CENPA: variants seen among roughly 807,000 people sequenced by gnomAD.
CENPA encodes the protein centromere protein A.
Under a neutral mutation model 17.2 loss-of-function variants are expected in CENPA, and 7 were observed. The observed-to-expected ratio is 0.41, with a 90% CI of 0.23 to 0.76. The LOEUF (loss-of-function observed/expected upper bound fraction) is 0.76. Ranked by LOEUF, CENPA falls within the 30% of genes least tolerant of loss-of-function variation. CENPA has a pLI of 0.34. For missense variants in CENPA, 149 were observed against 193.1 expected (o/e 0.77, Z 1.35); for synonymous variants, 82 against 77.4 (o/e 1.06, Z -0.31).
At chr2:26,789,361 G>A (rs1345003487) in intron 1 of CENPA, among the ~76,000 whole-genome samples, 1 of 151,948 alleles carries the variant, frequency 6.6e-6, no homozygotes, top group Non-Finnish European at 1.5e-5. Context: ...TGGCAGTTCT[G>A]CTTGGTGTTC....
intron 1 of CENPA, among the ~76,000 whole-genome samples, chr2:26,790,545 C>T (rs1005345444): frequency 3.3e-5 from 5 of 152,182 alleles, no homozygotes; most frequent in East Asian, 3.8e-4. Context: ...AGGCTGGTCT[C>T]GAACTCCTGA....
At chr2:26,791,929 A>G (rs1194647004) in intron 1 of CENPA, among the ~76,000 whole-genome samples, 1 of 152,236 alleles carries the variant, frequency 6.6e-6, no homozygotes, top group Non-Finnish European at 1.5e-5. Context: ...CAAAATTACT[A>G]TATATCAGGT....
In CENPA at chr2:26,794,240, G is replaced by C. The variant is rs930482665; in HGVS notation, c.*476G>C. 9 of 152,370 alleles carry C rather than the reference G, an allele frequency of 5.9e-5. No individual in the cohort carries two copies. Among genetic ancestry groups the C allele is most frequent in the Admixed American group, 5.9e-4 (9 of 15,304 alleles). The allele number at this position is 152,370 out of a possible 1,614,324, so 9.4% of individuals were successfully genotyped here. The stretch of plus-strand genomic sequence containing the variant: ...ACCACTTTGAGCAGTTGCCTGGAAG[G>C]CTGGGCATTTCCATCATATAGACCT... On this transcript the variant is annotated 3_prime_UTR_variant, in exon 5 of 5. Transcript: ENST00000335756.
intron 4 of CENPA, 33 bp downstream of exon 4, chr2:26,793,359 G>A: frequency 6.5e-7 from 1 of 1,545,342 alleles, no homozygotes; most frequent in Non-Finnish European, 8.7e-7. Flanking sequence ...GACTGGGGCT[G>A]GAATTTCTCA....
At chr2:26,791,629 A>T (rs1331035216) in intron 1 of CENPA, among the ~76,000 whole-genome samples, 3 of 152,294 alleles carry the variant, frequency 2.0e-5, no homozygotes, top group African/African-American at 7.2e-5. Flanking sequence ...AGACAAGGGA[A>T]TTGTACTAGT....
At chr2:26,786,318 T>A in intron 1 of CENPA, 22 bp downstream of exon 1, 1 of 1,307,590 alleles carries the variant, frequency 7.6e-7, no homozygotes, top group Non-Finnish European at 9.7e-7. Context: ...CGGCCCCATC[T>A]CGAAGAGGAG....
chr2:26,792,720 C>G (rs762745919), intron 2 of CENPA, 36 bp from the exon 3 acceptor site: 10 of 1,533,546 alleles, frequency 6.5e-6, no homozygotes, highest in East Asian at 4.5e-5. Flanking sequence ...CTGTTACTCC[C>G]TACTCCTACT....
rs1211333258 is a variant in CENPA at position 26,786,188 on chromosome 2, C to T, written c.-9C>T. The T allele has an allele frequency of 6.9e-7, 1 of 1,444,028 alleles. No individual in the cohort carries two copies. The highest frequency in any genetic ancestry group is 9.0e-7 in the Non-Finnish European group (1 of 1,105,174). The allele number at this position is 1,444,028 out of a possible 1,614,324, so 89.5% of individuals were successfully genotyped here. A position where few individuals can be genotyped will look rare whatever the true frequency, so the allele number is the denominator to read the frequency against. On this transcript the variant is annotated 5_prime_UTR_variant, in exon 1 of 5. Transcript: ENST00000335756. The stretch of plus-strand genomic sequence containing the variant: ...TGGGACCGGGCGCCAGCACCCTCTG[C>T]GGCGTGTCATGGGCCCGCGCCGCCG...
chr2:26,788,372 A>T (rs901712486), intron 1 of CENPA, among the ~76,000 whole-genome samples: 3 of 152,156 alleles, frequency 2.0e-5, no homozygotes, highest in Non-Finnish European at 4.4e-5. Flanking sequence ...AACAAAAAAA[A>T]AACAGCCATC....
chr2:26,786,583 C>T (rs1220264962), intron 1 of CENPA, among the ~76,000 whole-genome samples: 2 of 152,232 alleles, frequency 1.3e-5, no homozygotes, highest in African/African-American at 4.8e-5. Flanking sequence ...GGCATTGCCT[C>T]CCACTGTTCG....
chr2:26,792,957 A>AAC (rs1218260281), intron 3 of CENPA, 124 bp downstream of exon 3: 1 of 1,239,984 alleles, frequency 8.1e-7, no homozygotes, highest in Non-Finnish European at 1.2e-6. Flanking sequence ...ACAATGAGGT[A>AAC]ACCTCTGAGG....
intron 1 of CENPA, among the ~76,000 whole-genome samples, chr2:26,791,147 C>G (rs1664607592): frequency 6.6e-6 from 1 of 152,136 alleles, no homozygotes; most frequent in Non-Finnish European, 1.5e-5. Context: ...TTTTGGTTTA[C>G]TTTAATAACT....
At chr2:26,793,099 C>T in intron 3 of CENPA, 46 bp from the exon 4 acceptor site, 2 of 1,610,298 alleles carry the variant, frequency 1.2e-6, no homozygotes, top group East Asian at 2.2e-5. Context: ...AAAAAGCAGC[C>T]CGTGGCCCTT....
intron 1 of CENPA, among the ~76,000 whole-genome samples, chr2:26,787,608 C>G (rs1664535508): frequency 6.7e-6 from 1 of 148,526 alleles, no homozygotes; most frequent in South Asian, 2.2e-4. Flanking sequence ...CTCAACTTCC[C>G]AGGCTCAGGT....
intron 1 of CENPA, among the ~76,000 whole-genome samples, chr2:26,791,379 A>T (rs755666534): frequency 5.3e-5 from 8 of 152,214 alleles, no homozygotes; most frequent in African/African-American, 1.9e-4. Context: ...TTTTTGATTC[A>T]TGAGTTTTTA....
At chr2:26,793,387 A>G (rs1664655799) in intron 4 of CENPA, 61 bp downstream of exon 4, 1 of 1,456,426 alleles carries the variant, frequency 6.9e-7, no homozygotes, top group Admixed American at 2.1e-5. Context: ...TCCTTTCTCC[A>G]TCCATAGTCC....
chr2:26,789,817 C>A (rs916646513), intron 1 of CENPA, among the ~76,000 whole-genome samples: 8 of 138,526 alleles, frequency 5.8e-5, no homozygotes, highest in African/African-American at 2.0e-4. Flanking sequence ...GTCCAAGCTA[C>A]CAGCAGCTCT....
At chr2:26,786,422 T>C in intron 1 of CENPA, 126 bp downstream of exon 1, 1 of 1,214,690 alleles carries the variant, frequency 8.2e-7, no homozygotes, top group Non-Finnish European at 1.0e-6. Context: ...CCGTCCGGCA[T>C]CCGCTCCGGG....
intron 2 of CENPA, 145 bp from the exon 3 acceptor site, chr2:26,792,611 C>T: frequency 1.3e-6 from 1 of 770,892 alleles, no homozygotes; most frequent in Non-Finnish European, 2.3e-6. Flanking sequence ...TCAACACCTG[C>T]TCCTAATTGG....
Sources: gnomAD v4.1 joint callset for allele counts (sites outside exome capture counted in the v4.1 genomes callset) on GRCh38, gnomAD v4.1.1 for gene constraint, MANE v1.5 for transcripts, NCBI Gene and HGNC (gene_info 2026-07-23, HGNC 2026-07-21) for gene names.